The following MYT1L variants were observed in gnomAD, a reference collection of about 807,000 sequenced individuals.
MYT1L encodes myelin transcription factor 1 like.
Under a neutral mutation model 126.7 loss-of-function variants are expected in MYT1L, and 12 were observed. The ratio of observed to expected loss-of-function variants is 0.09; its 90% confidence interval spans 0.06 to 0.15. The LOEUF (loss-of-function observed/expected upper bound fraction) is 0.15. Ranked by LOEUF, MYT1L falls within the 10% of genes least tolerant of loss-of-function variation. The probability of loss-of-function intolerance (pLI) is 1.00; values close to 1 mark genes in which losing one functional copy is unlikely to be tolerated. For synonymous variants in MYT1L, 541 were observed against 604.2 expected (o/e 0.90, Z 1.53); for missense variants, 979 against 1,585.2 (o/e 0.62, Z 6.49).
At chr2:1,896,997 G>T (rs946033201) in intron 14 of MYT1L, among the ~76,000 whole-genome samples, 1 of 152,122 alleles carries the variant, frequency 6.6e-6, no homozygotes, top group Non-Finnish European at 1.5e-5. Flanking sequence ...ACTAGATGAC[G>T]CCAAGTGGAT....
Position 2,094,056 on chromosome 2 carries a change from A to G in MYT1L, c.-303-39933T>C, listed in dbSNP as rs1162032184. ...TTCTGTTCCATTGGTCTATATCTCT[A>G]TTTCAGTACTAGTACCATACTGTTT... is the stretch of plus-strand genomic sequence containing the variant. On this transcript the variant is annotated intron_variant, in intron 3 of 24. Coordinates refer to ENST00000647738, the MANE Select transcript of MYT1L (RefSeq NM_001303052.2). Among the ~76,000 whole-genome samples, 4 of 152,156 alleles carry G rather than the reference A, an allele frequency of 2.6e-5. No individual in the cohort carries two copies. The East Asian group carries it at 7.7e-4, about 29-fold the overall frequency.
At chr2:2,194,092 A>T (rs895242678) in intron 2 of MYT1L, among the ~76,000 whole-genome samples, 4 of 151,758 alleles carry the variant, frequency 2.6e-5, no homozygotes, top group African/African-American at 7.3e-5. Context: ...ATATATATAT[A>T]TTTTTGAGAT....
chr2:2,025,376 G>A (rs2065435611), intron 4 of MYT1L, among the ~76,000 whole-genome samples: 1 of 152,214 alleles, frequency 6.6e-6, no homozygotes, highest in African/African-American at 2.4e-5. Flanking sequence ...TCAGTCTACA[G>A]GGTCCTTGAA....
intron 3 of MYT1L, among the ~76,000 whole-genome samples, chr2:2,083,368 C>A (rs1351480584): frequency 1.3e-5 from 2 of 152,156 alleles, no homozygotes; most frequent in Non-Finnish European, 2.9e-5. Flanking sequence ...CCTGCACATG[C>A]GCAGGAATGG....
At chr2:2,294,849 A>G (rs555966077) in intron 1 of MYT1L, among the ~76,000 whole-genome samples, 1 of 152,232 alleles carries the variant, frequency 6.6e-6, no homozygotes, top group Non-Finnish European at 1.5e-5. Context: ...ACATTATACT[A>G]CATTATATTA....
intron 21 of MYT1L, among the ~76,000 whole-genome samples, chr2:1,810,318 T>G (rs2148003494): frequency 6.6e-6 from 1 of 152,220 alleles, no homozygotes; most frequent in Non-Finnish European, 1.5e-5. Context: ...TTTTGTATTT[T>G]TAGTAGAGAC....
chr2:2,113,128 C>T (rs1210996840), intron 3 of MYT1L, among the ~76,000 whole-genome samples: 1 of 152,178 alleles, frequency 6.6e-6, no homozygotes, highest in African/African-American at 2.4e-5. Context: ...CCTTGTCTCC[C>T]ACCTCCTGAG....
intron 3 of MYT1L, among the ~76,000 whole-genome samples, chr2:2,154,981 G>T (rs2086484354): frequency 6.6e-6 from 1 of 152,132 alleles, no homozygotes; most frequent in African/African-American, 2.4e-5. Context: ...ACAAAAATTA[G>T]CCAGGCATGG....
At chr2:1,981,558 A>G (rs2149501025) in intron 5 of MYT1L, among the ~76,000 whole-genome samples, 1 of 152,282 alleles carries the variant, frequency 6.6e-6, no homozygotes, top group African/African-American at 2.4e-5. Flanking sequence ...CCTGAAGTGG[A>G]ATATTGGAAA....
intron 3 of MYT1L, among the ~76,000 whole-genome samples, chr2:2,056,105 A>G (rs1487146244): frequency 6.6e-6 from 1 of 152,206 alleles, no homozygotes; most frequent in Non-Finnish European, 1.5e-5. Context: ...GAAAGGTTTT[A>G]TTTGGAGCGT....
At chr2:1,980,474 T>C (rs1333263642) in intron 5 of MYT1L, among the ~76,000 whole-genome samples, 1 of 152,040 alleles carries the variant, frequency 6.6e-6, no homozygotes, top group East Asian at 1.9e-4. Context: ...GTTCCTGGAA[T>C]GCAATTGTCC....
At chr2:1,813,343 G>C (rs886728725) in intron 21 of MYT1L, among the ~76,000 whole-genome samples, 1 of 152,122 alleles carries the variant, frequency 6.6e-6, no homozygotes, top group Non-Finnish European at 1.5e-5. Flanking sequence ...CCTCAGCCTG[G>C]GTCCCATCCG....
chr2:2,269,945 A>G (rs2095229178), intron 2 of MYT1L, among the ~76,000 whole-genome samples: 1 of 152,226 alleles, frequency 6.6e-6, no homozygotes. Context: ...TAGAAAGCAC[A>G]TATACAACAT....
chr2:2,108,660 T>C (rs1240658837), intron 3 of MYT1L, among the ~76,000 whole-genome samples: 1 of 152,278 alleles, frequency 6.6e-6, no homozygotes, highest in Non-Finnish European at 1.5e-5. Flanking sequence ...AAGCATCTTA[T>C]GATCCATGTT....
intron 8 of MYT1L, among the ~76,000 whole-genome samples, chr2:1,957,784 A>G (rs1450969375): frequency 2.6e-5 from 4 of 152,216 alleles, no homozygotes; most frequent in African/African-American, 9.6e-5. Context: ...CTGATTCCTC[A>G]GAAGCCTCCC....
At chr2:1,989,437 T>A (rs2061310270) in intron 5 of MYT1L, among the ~76,000 whole-genome samples, 2 of 152,102 alleles carry the variant, frequency 1.3e-5, no homozygotes, top group African/African-American at 4.8e-5. Context: ...GCACCCTACA[T>A]CTTCTCATTC....
chr2:1,922,607 G>T lies in MYT1L; in HGVS notation c.1162C>A (p.Gln388Lys), dbSNP rs1356372009. ...AACACTCTCGACCGGGGGCTCAACTGCTCCTCCAGCCGCATGAGGTTCAGC... is the reference window on the plus strand; with the variant it reads ...AACACTCTCGACCGGGGGCTCAACTTCTCCTCCAGCCGCATGAGGTTCAGC... ...DMLNLMRLEEQLSPRSRVFAS... is the reference protein window; with the variant it reads ...DMLNLMRLEEKLSPRSRVFAS... Residue 388 changes from glutamine (Q) to lysine (K), a missense_variant, in exon 10 of 25, where the codon CAG (glutamine) becomes AAG (lysine). Gln to Lys is a moderately conservative substitution (Grantham distance 53). Transcript: ENST00000647738. This position sits in a 1 kb window ranked among gnomAD's most constrained non-coding sequence, Gnocchi z 7.4. 1 of 1,613,922 alleles carries T rather than the reference G, an allele frequency of 6.2e-7. No homozygotes were observed. Among genetic ancestry groups the T allele is most frequent in the South Asian group, 1.1e-5 (1 of 91,078 alleles).
chr2:2,251,732 T>A (rs1015819055), intron 2 of MYT1L, among the ~76,000 whole-genome samples: 1 of 151,956 alleles, frequency 6.6e-6, no homozygotes, highest in Non-Finnish European at 1.5e-5. Flanking sequence ...CTAATATATC[T>A]GTTTTGAAAA....
chr2:2,007,973 T>G (rs983244509), intron 4 of MYT1L, among the ~76,000 whole-genome samples: 26 of 152,326 alleles, frequency 1.7e-4, no homozygotes, highest in African/African-American at 5.5e-4. Flanking sequence ...TTCATGATGG[T>G]CAGCCATTAT....
Sources: allele counts gnomAD v4.1 joint callset (sites outside exome capture counted in the v4.1 genomes callset), GRCh38; gene constraint gnomAD v4.1.1; non-coding constraint Gnocchi (gnomAD v3.1); transcripts MANE v1.5; gene names NCBI Gene and HGNC (gene_info 2026-07-23, HGNC 2026-07-21).